Variants in LRRC4C observed in about 807,000 individuals in gnomAD.
LRRC4C encodes the protein leucine rich repeat containing 4C.
A neutral mutation model predicts 33.6 loss-of-function variants in LRRC4C; 5 were observed. The observed-to-expected ratio is 0.15, with a 90% CI of 0.08 to 0.31. The LOEUF is 0.31. Ranked by LOEUF, LRRC4C falls within the 10% of genes least tolerant of loss-of-function variation. The probability of loss-of-function intolerance (pLI) is 1.00; values close to 1 mark genes in which losing one functional copy is unlikely to be tolerated. For synonymous variants in LRRC4C, 329 were observed against 302.0 expected, an observed-to-expected ratio of 1.09 and a Z score of -0.93; for missense variants, 560 against 796.7, an observed-to-expected ratio of 0.70 and a Z score of 3.58.
At chr11:40,581,190 C>T (rs976897931) in intron 3 of LRRC4C, among the ~76,000 whole-genome samples, 1 of 152,198 alleles carries the variant, frequency 6.6e-6, no homozygotes, top group Non-Finnish European at 1.5e-5. Context: ...ATTGCCCCAT[C>T]GAATGTCAAC....
intron 1 of LRRC4C, among the ~76,000 whole-genome samples, chr11:41,107,945 GAAAA>G: frequency 6.8e-6 from 1 of 146,710 alleles, no homozygotes; most frequent in South Asian, 2.2e-4. Context: ...TCAAAGAAAA[GAAAA>G]GAGAAGAGAA....
chr11:40,799,013 T>C (rs1247086486), intron 2 of LRRC4C, among the ~76,000 whole-genome samples: 4 of 152,178 alleles, frequency 2.6e-5, no homozygotes, highest in Non-Finnish European at 4.4e-5. Flanking sequence ...TAAAATATAA[T>C]TTTTGTGAAA....
rs547417798 is a variant in LRRC4C at position 40,988,200 on chromosome 11, A to T, written c.-495-54477T>A. The stretch of plus-strand genomic sequence containing the variant: ...GCAACAATTATGCTGAGTAAGATGG[A>T]GATATTTTCTCATCATCATTTCAAT... On this transcript the variant is annotated intron_variant, in intron 1 of 6. Transcript: ENST00000528697. 1.2e-4 allele frequency among the ~76,000 whole-genome samples: 18 copies of T among 152,302 alleles called. No homozygotes were observed. The South Asian group carries it at 3.5e-3, about 30-fold the overall frequency.
At chr11:41,031,977 A>G (rs1856756226) in intron 1 of LRRC4C, among the ~76,000 whole-genome samples, 2 of 152,048 alleles carry the variant, frequency 1.3e-5, no homozygotes, top group South Asian at 4.1e-4. Context: ...CTATGTCTTC[A>G]CAAAATTTCC....
intron 1 of LRRC4C, among the ~76,000 whole-genome samples, chr11:41,279,812 C>T (rs1438539502): frequency 6.6e-6 from 1 of 152,072 alleles, no homozygotes; most frequent in Admixed American, 6.6e-5. Flanking sequence ...CATATCCCTG[C>T]AGAACACTGG....
chr11:41,268,651 A>T (rs1172390260), intron 1 of LRRC4C, among the ~76,000 whole-genome samples: 1 of 152,132 alleles, frequency 6.6e-6, no homozygotes, highest in Non-Finnish European at 1.5e-5. Context: ...CCAGTAATAA[A>T]ACAGTTTGGG....
chr11:41,186,052 C>T lies in LRRC4C; in HGVS notation c.-495-252329G>A, dbSNP rs1945681355. On this transcript the variant is annotated intron_variant, in intron 1 of 6. Transcript: ENST00000528697. ...ATAAACACATAGAAAAAATGTCCAG[C>T]CTTGATAATTATAAAAGATAGATAA... 2.0e-5 allele frequency among the ~76,000 whole-genome samples: 3 copies of T among 151,764 alleles called. No individual in the cohort carries two copies. The East Asian group carries it at 5.8e-4, about 29-fold the overall frequency.
chr11:40,758,682 A>C (rs1381562234), intron 2 of LRRC4C, among the ~76,000 whole-genome samples: 4 of 152,076 alleles, frequency 2.6e-5, no homozygotes, highest in Non-Finnish European at 5.9e-5. Context: ...GTTTAAAGAT[A>C]CTAGAGATGA....
intron 2 of LRRC4C, among the ~76,000 whole-genome samples, chr11:40,911,598 C>T (rs4442539): frequency 6.6e-6 from 1 of 152,126 alleles, no homozygotes; most frequent in Non-Finnish European, 1.5e-5. Context: ...GATGGGGAAA[C>T]AACAGAGCAG....
At chr11:40,520,992 A>T (rs1374574107) in intron 3 of LRRC4C, among the ~76,000 whole-genome samples, 1 of 152,158 alleles carries the variant, frequency 6.6e-6, no homozygotes, top group East Asian at 1.9e-4. Context: ...AAAAGAACTC[A>T]AGCCAAATCC....
intron 1 of LRRC4C, among the ~76,000 whole-genome samples, chr11:41,101,701 T>C (rs1237161276): frequency 6.6e-6 from 1 of 152,148 alleles, no homozygotes; most frequent in Non-Finnish European, 1.5e-5. Context: ...TGCACACATA[T>C]GTTCACTGCA....
intron 1 of LRRC4C, among the ~76,000 whole-genome samples, chr11:41,316,271 A>C (rs1235887846): frequency 1.3e-4 from 20 of 149,320 alleles, no homozygotes; most frequent in African/African-American, 4.9e-4. Context: ...GCAAAAAAAA[A>C]AAAAAAAACA....
chr11:40,335,438 A>G (rs774010136), intron 3 of LRRC4C, among the ~76,000 whole-genome samples: 4 of 152,216 alleles, frequency 2.6e-5, no homozygotes, highest in Non-Finnish European at 5.9e-5. Flanking sequence ...CACCCTTCCA[A>G]ATGAAATAGC....
chr11:40,253,230 T>TA (rs1866925214), intron 4 of LRRC4C, among the ~76,000 whole-genome samples: 1 of 152,230 alleles, frequency 6.6e-6, no homozygotes, highest in Non-Finnish European at 1.5e-5. Context: ...ATAAGACTTG[T>TA]AAAAACAGTT....
At chr11:40,196,434 T>G (rs922206959) in intron 5 of LRRC4C, among the ~76,000 whole-genome samples, 3 of 152,182 alleles carry the variant, frequency 2.0e-5, no homozygotes, top group Non-Finnish European at 4.4e-5. Flanking sequence ...TATTGCAACA[T>G]GCAAGTCTGC....
chr11:40,455,666 T>C (rs2138130406), intron 3 of LRRC4C, among the ~76,000 whole-genome samples: 1 of 152,298 alleles, frequency 6.6e-6, no homozygotes, highest in Admixed American at 6.5e-5. Flanking sequence ...CCTGGGCACA[T>C]TCTCTTTTTG....
At chr11:40,974,635 C>T (rs746289173) in intron 1 of LRRC4C, among the ~76,000 whole-genome samples, 5 of 152,096 alleles carry the variant, frequency 3.3e-5, no homozygotes, top group Non-Finnish European at 4.4e-5. Context: ...TTCAGAAATA[C>T]GTAGGGAATT....
chr11:40,437,877 T>C (rs888701602), intron 3 of LRRC4C, among the ~76,000 whole-genome samples: 1 of 152,148 alleles, frequency 6.6e-6, no homozygotes, highest in Non-Finnish European at 1.5e-5. Context: ...CTGACTAATT[T>C]TTGTATTTTT....
intron 1 of LRRC4C, among the ~76,000 whole-genome samples, chr11:41,251,100 C>T (rs934069397): frequency 1.3e-5 from 2 of 152,082 alleles, no homozygotes; most frequent in African/African-American, 2.4e-5. Flanking sequence ...CAATACAAAA[C>T]CCCAAACCTC....
Sources: allele counts gnomAD v4.1 joint callset (sites outside exome capture counted in the v4.1 genomes callset), GRCh38; gene constraint gnomAD v4.1.1; transcripts MANE v1.5; gene names NCBI Gene and HGNC (gene_info 2026-07-23, HGNC 2026-07-21).